The following STK10 variants were observed in gnomAD, a reference collection of about 807,000 sequenced individuals.
The protein encoded by STK10 is serine/threonine-protein kinase 10.
In STK10, 78 loss-of-function variants were observed where a neutral mutation model predicts 113.8. That is an observed-to-expected ratio of 0.69 (90% CI 0.57 to 0.83). The LOEUF (loss-of-function observed/expected upper bound fraction) is 0.83. Ranked by LOEUF, STK10 falls within the 40% of genes least tolerant of loss-of-function variation. The probability of loss-of-function intolerance (pLI) is 0.00; values close to 1 mark genes in which losing one functional copy is unlikely to be tolerated. For synonymous variants in STK10, 465 were observed against 494.7 expected, an observed-to-expected ratio of 0.94 and a Z score of 0.80; for missense variants, 1,109 against 1,280.1, an observed-to-expected ratio of 0.87 and a Z score of 2.04.
intron 4 of STK10, among the ~76,000 whole-genome samples, chr5:172,112,153 A>G (rs1383255646): frequency 6.6e-6 from 1 of 152,254 alleles, no homozygotes; most frequent in Non-Finnish European, 1.5e-5. Context: ...TATCTCTAAT[A>G]CATTAATACA....
chr5:172,061,352 G>A (rs1202203289), intron 13 of STK10, 84 bp from the exon 14 acceptor site: 64 of 1,488,588 alleles, frequency 4.3e-5, no homozygotes, highest in East Asian at 7.1e-5. Context: ...AGAAAAGCCC[G>A]CGTGATCAGA....
intron 7 of STK10, among the ~76,000 whole-genome samples, chr5:172,098,680 A>ATT (rs1468236870): frequency 6.6e-6 from 1 of 152,188 alleles, no homozygotes; most frequent in Non-Finnish European, 1.5e-5. Context: ...ATAGGAGGCA[A>ATT]AGTAGCATGC....
chr5:172,097,681 TC>T (rs1768890560), intron 7 of STK10, among the ~76,000 whole-genome samples: 1 of 152,194 alleles, frequency 6.6e-6, no homozygotes. Context: ...CTGGGCTGTT[TC>T]CCATTTTTGG....
chr5:172,100,624 T>C (rs1339998259), intron 7 of STK10, among the ~76,000 whole-genome samples: 1 of 151,918 alleles, frequency 6.6e-6, no homozygotes, highest in Non-Finnish European at 1.5e-5. Flanking sequence ...CCATCTCTAC[T>C]GAAAATACAA....
In STK10 at chr5:172,133,580, G is replaced by A. The variant is rs1000064835; in HGVS notation, c.322-6159C>T. On this transcript the variant is annotated intron_variant, in intron 2 of 18. Coordinates refer to ENST00000176763, the MANE Select transcript of STK10 (RefSeq NM_005990.4). The surrounding 1 kb of genome is among the most constrained non-coding windows in gnomAD (Gnocchi z 4.9). ...TGTGCTTGATGGTGTGGAATGCCAC[G>A]TCGTCTCACTCTGGAGCTAATTAGG... Among the ~76,000 whole-genome samples, 3 of 152,148 alleles carry A rather than the reference G, an allele frequency of 2.0e-5. No individual in the cohort carries two copies. Among genetic ancestry groups the A allele is most frequent in the African/African-American group, 7.2e-5 (3 of 41,426 alleles).
intron 10 of STK10, among the ~76,000 whole-genome samples, chr5:172,088,033 C>A (rs1210807848): frequency 6.6e-6 from 1 of 152,082 alleles, no homozygotes; most frequent in African/African-American, 2.4e-5. Context: ...TCAAGTGATC[C>A]TCCCACTTCA....
intron 4 of STK10, among the ~76,000 whole-genome samples, chr5:172,111,952 C>T (rs1769246273): frequency 6.6e-6 from 1 of 152,180 alleles, no homozygotes; most frequent in African/African-American, 2.4e-5. Flanking sequence ...ATCTCTAAAA[C>T]CAGATCTATA....
At chr5:172,090,761 C>T (rs563609925) in intron 9 of STK10, among the ~76,000 whole-genome samples, 6 of 151,872 alleles carry the variant, frequency 4.0e-5, no homozygotes, top group African/African-American at 1.4e-4. Context: ...ACAGTGAAAC[C>T]CTGTCTCTAC....
intron 7 of STK10, among the ~76,000 whole-genome samples, chr5:172,103,485 G>T (rs1769038354): frequency 6.6e-6 from 1 of 152,116 alleles, no homozygotes; most frequent in South Asian, 2.1e-4. Flanking sequence ...TCTCTCCGTG[G>T]AATGTCCTGG....
chr5:172,169,773 G>A (rs936549431), intron 1 of STK10, among the ~76,000 whole-genome samples: 4 of 152,110 alleles, frequency 2.6e-5, no homozygotes, highest in East Asian at 1.9e-4. Context: ...AATCGACCCC[G>A]CTCCCTCCGA....
At chr5:172,168,851 T>G (rs927478055) in intron 1 of STK10, among the ~76,000 whole-genome samples, 1 of 151,662 alleles carries the variant, frequency 6.6e-6, no homozygotes, top group East Asian at 1.9e-4. Flanking sequence ...GTGCCAGCCC[T>G]CCTTCCCCTC....
intron 3 of STK10, among the ~76,000 whole-genome samples, chr5:172,126,806 A>G (rs1694206285): frequency 6.6e-6 from 1 of 152,034 alleles, no homozygotes; most frequent in African/African-American, 2.4e-5. Context: ...CTTTTCAAAG[A>G]CCTTCCTCGG....
chr5:172,064,882 C>T (rs113703595), intron 12 of STK10, 70 bp from the exon 13 acceptor site: 106 of 1,542,292 alleles, frequency 6.9e-5, no homozygotes, highest in East Asian at 4.7e-4. Context: ...TAATCTTCAA[C>T]GCAGAACCCC....
intron 8 of STK10, 121 bp from the exon 9 acceptor site, chr5:172,094,081 A>G: frequency 2.9e-6 from 2 of 689,118 alleles, no homozygotes; most frequent in Non-Finnish European, 4.2e-6. Context: ...CCAAGAAAGG[A>G]GAGCAGATAT....
intron 4 of STK10, chr5:172,108,231 C>T (rs893075515): frequency 1.3e-5 from 2 of 159,906 alleles, no homozygotes; most frequent in African/African-American, 4.8e-5. Context: ...AATAACAGTG[C>T]CATTATAAAA....
rs1299649011 is a variant in STK10 at position 172,082,368 on chromosome 5, G to A, written c.1947C>T (p.Asp649=). The part of the protein sequence containing the change: ...ARRIRLEQDR[D]YTRFQEQLKL... ...TGAGCTGCTCTTGGAACCTGGTGTAGTCCCGATCCTGCTCCAGGCGGATCC... is the reference window on the plus strand; with the variant it reads ...TGAGCTGCTCTTGGAACCTGGTGTAATCCCGATCCTGCTCCAGGCGGATCC... Residue 649 remains aspartate, a synonymous_variant, in exon 12 of 19, where the codon GAC becomes GAT. Transcript: ENST00000176763. This position sits in a 1 kb window ranked among gnomAD's most constrained non-coding sequence, Gnocchi z 4.3. 2 of 1,602,226 alleles carry A rather than the reference G, an allele frequency of 1.2e-6. No individual in the cohort carries two copies. The highest frequency in any genetic ancestry group is 1.3e-5 in the African/African-American group (1 of 74,188).
chr5:172,129,786 GC>G (rs1346087441), intron 2 of STK10, among the ~76,000 whole-genome samples: 2 of 152,230 alleles, frequency 1.3e-5, no homozygotes, highest in African/African-American at 4.8e-5. Flanking sequence ...TGGAAAAGAA[GC>G]AAAACTCAGT....
chr5:172,054,568 C>T lies in STK10; in HGVS notation c.2652+1G>A, dbSNP rs1214067351. ...AGGGGCAGGGGCAGGCAGGGCGGTA[C>T]CTGCAGCTGCTGCAGCTCGCTCATG... is the stretch of plus-strand genomic sequence containing the variant. On this transcript the variant is annotated splice_donor_variant, in intron 17 of 18. Transcript: ENST00000176763. LOFTEE classifies it high-confidence loss of function. 3.7e-6 allele frequency: 6 copies of T among 1,605,026 alleles called. No individual in the cohort carries two copies. Among genetic ancestry groups the T allele is most frequent in the Non-Finnish European group, 5.1e-6 (6 of 1,179,462 alleles).
chr5:172,095,169 T>C (rs566436891), intron 8 of STK10, among the ~76,000 whole-genome samples: 6 of 152,360 alleles, frequency 3.9e-5, no homozygotes, highest in South Asian at 2.1e-4. Flanking sequence ...AAGTATTCCT[T>C]TGGGTCTTGC....
Sources: allele counts gnomAD v4.1 joint callset (sites outside exome capture counted in the v4.1 genomes callset), GRCh38; gene constraint gnomAD v4.1.1; non-coding constraint Gnocchi (gnomAD v3.1); transcripts MANE v1.5; gene names NCBI Gene and HGNC (gene_info 2026-07-23, HGNC 2026-07-21).